The following TGM7 variants were observed in gnomAD, a reference collection of about 807,000 sequenced individuals.
TGM7 encodes the protein protein-glutamine gamma-glutamyltransferase Z.
TGM7 carries 74 observed loss-of-function variants against 79.5 expected under a neutral mutation model. That is an observed-to-expected ratio of 0.93 (90% CI 0.77 to 1.13). The LOEUF (loss-of-function observed/expected upper bound fraction) is 1.13. Among genes scored for constraint, TGM7 ranks in the 50% most tolerant of loss-of-function variants. TGM7 has a pLI of 0.00. For synonymous variants in TGM7, 354 were observed against 362.5 expected (o/e 0.98, Z 0.27); for missense variants, 912 against 905.9 (o/e 1.01, Z -0.09).
chr15:43,292,016 T>A lies in TGM7; in HGVS notation c.521A>T (p.Glu174Val), dbSNP rs776107636. 6.2e-6 allele frequency: 10 copies of A among 1,614,040 alleles called. No homozygotes were observed. The Admixed American group carries it at 8.3e-5, about 13-fold the overall frequency. ...RDYGFVYKGH[E>V]RFITSWPWNY... Reference sequence around the variant, plus strand: ...CCAGGGCCAGGAGGTGATGAATCTTTCATGACCCTTGTAAACAAAGCCATA... The same window carrying A: ...CCAGGGCCAGGAGGTGATGAATCTTACATGACCCTTGTAAACAAAGCCATA... The change falls in exon 4 of 13, where the codon GAA becomes GTA. Residue 174 changes from glutamate to valine, a missense_variant. By Grantham distance (121) the Glu-to-Val change is moderately radical. Coordinates refer to ENST00000452443, the MANE Select transcript of TGM7 (RefSeq NM_052955.3).
chr15:43,295,388 C>T (rs990481405), intron 1 of TGM7, among the ~76,000 whole-genome samples: 3 of 152,094 alleles, frequency 2.0e-5, no homozygotes, highest in South Asian at 2.1e-4. Flanking sequence ...GTCAGGAGTT[C>T]GAGACCAACC....
Position 43,279,565 on chromosome 15 carries a change from G to A in TGM7, c.1678+60C>T, listed in dbSNP as rs563816043. On this transcript the variant is annotated intron_variant, in intron 10 of 12. Transcript: ENST00000452443. ...AATCTGGCTGGGCCCACCCCACTGT[G>A]TTCATGGACCCACAGCTCCCCTCCC... 1,068 of 1,517,528 alleles carry A rather than the reference G, an allele frequency of 7.0e-4. 1 individual carries two copies. Among genetic ancestry groups the A allele is most frequent in the Non-Finnish European group, 8.2e-4 (922 of 1,129,886 alleles). 94.0% of individuals were successfully genotyped at this position (1,517,528 alleles called of 1,614,324 possible). A position where few individuals can be genotyped will look rare whatever the true frequency, so the allele number is the denominator to read the frequency against.
intron 11 of TGM7, among the ~76,000 whole-genome samples, chr15:43,278,695 C>G (rs1317877869): frequency 6.6e-6 from 1 of 152,204 alleles, no homozygotes; most frequent in Non-Finnish European, 1.5e-5. Context: ...TTCAAGTGAT[C>G]CTCCCGCCTT....
At chr15:43,295,008 C>A (rs1372566834) in intron 1 of TGM7, among the ~76,000 whole-genome samples, 1 of 151,956 alleles carries the variant, frequency 6.6e-6, no homozygotes, top group East Asian at 1.9e-4. Context: ...CTCAAGTGAT[C>A]CTCCCATCTC....
Position 43,276,963 on chromosome 15 carries a change from C to G in TGM7, c.1872G>C (p.Leu624=). The change falls in exon 12 of 13, where the codon CTG becomes CTC. Residue 624 remains leucine (L), a synonymous_variant. Coordinates refer to ENST00000452443, the MANE Select transcript of TGM7 (RefSeq NM_052955.3). ...TGTTGGTGAGGGTGACATGGACTCT[C>G]AGCGCCTTGCCCACCTCAGCCCTCT... ...VSERAEVGKA[L]RVHVTLTNTL... 1.2e-6 allele frequency: 2 copies of G among 1,614,140 alleles called. No homozygotes were observed. The highest frequency in any genetic ancestry group is 1.7e-6 in the Non-Finnish European group (2 of 1,180,018).
In TGM7 at chr15:43,283,175, A is replaced by G. The variant is rs181401460; in HGVS notation, c.1005-555T>C. ...ATAGATATCTACACATACACACTTCAGTGTGTATTTCCTGAGAATAGGGAT... is the reference window on the plus strand; with the variant it reads ...ATAGATATCTACACATACACACTTCGGTGTGTATTTCCTGAGAATAGGGAT... On this transcript the variant is annotated intron_variant, in intron 7 of 12. Coordinates refer to ENST00000452443, the MANE Select transcript of TGM7 (RefSeq NM_052955.3). Among the ~76,000 whole-genome samples, 71 of 152,364 alleles carry G rather than the reference A, an allele frequency of 4.7e-4. No homozygotes were observed. In the Middle Eastern group the frequency reaches 0.017, roughly 36 times the overall value.
chr15:43,290,259 G>A (rs1294068836), intron 4 of TGM7, among the ~76,000 whole-genome samples: 2 of 152,088 alleles, frequency 1.3e-5, no homozygotes, highest in Non-Finnish European at 2.9e-5. Context: ...TAAGGAAGGG[G>A]TCCAATTTCA....
chr15:43,291,771 A>G (rs949729384), intron 4 of TGM7, among the ~76,000 whole-genome samples: 16 of 152,186 alleles, frequency 1.1e-4, no homozygotes, highest in Non-Finnish European at 4.4e-5. Context: ...TTTCATAATA[A>G]AATGTTAAAA....
At chr15:43,287,511 C>T (rs2042941794) in intron 5 of TGM7, 30 bp downstream of exon 5, 1 of 1,612,998 alleles carries the variant, frequency 6.2e-7, no homozygotes, top group African/African-American at 1.3e-5. Context: ...CTCAGACTGT[C>T]CTCAGACGGC....
At chr15:43,302,124 C>T in intron 1 of TGM7, 117 bp downstream of exon 1, 1 of 1,216,338 alleles carries the variant, frequency 8.2e-7, no homozygotes. Flanking sequence ...GCACAATGAA[C>T]TACCAATCAT....
chr15:43,291,636 G>A (rs1050756152), intron 4 of TGM7, among the ~76,000 whole-genome samples: 3 of 152,214 alleles, frequency 2.0e-5, no homozygotes, highest in Non-Finnish European at 2.9e-5. Flanking sequence ...TCTGTGGGCT[G>A]TAGTTTGCAA....
At chr15:43,297,692 T>A (rs1329572771) in intron 1 of TGM7, among the ~76,000 whole-genome samples, 1 of 152,182 alleles carries the variant, frequency 6.6e-6, no homozygotes, top group Non-Finnish European at 1.5e-5. Flanking sequence ...AGCTCCGCGA[T>A]GCAAAGCTCC....
intron 9 of TGM7, among the ~76,000 whole-genome samples, chr15:43,281,452 AAAC>A (rs1217509386): frequency 6.6e-6 from 1 of 152,248 alleles, no homozygotes; most frequent in African/African-American, 2.4e-5. Context: ...AATTCCAGAT[AAAC>A]AACAAATTAT....
intron 1 of TGM7, among the ~76,000 whole-genome samples, chr15:43,294,760 A>AT (rs2042984287): frequency 6.6e-6 from 1 of 152,108 alleles, no homozygotes; most frequent in Non-Finnish European, 1.5e-5. Flanking sequence ...GTCTGAAGAC[A>AT]TTTTTTACTG....
intron 6 of TGM7, 115 bp downstream of exon 6, chr15:43,287,165 G>C: frequency 2.4e-6 from 3 of 1,274,970 alleles, no homozygotes; most frequent in Non-Finnish European, 2.2e-6. Context: ...GGGCCTGGGT[G>C]CCCACCACCC....
At chr15:43,298,312 C>T (rs2043010280) in intron 1 of TGM7, among the ~76,000 whole-genome samples, 1 of 152,162 alleles carries the variant, frequency 6.6e-6, no homozygotes, top group African/African-American at 2.4e-5. Context: ...AGGGGCAGAG[C>T]CTGTGAGGGC....
chr15:43,277,146 G>A, intron 11 of TGM7, 151 bp from the exon 12 acceptor site: 1 of 965,280 alleles, frequency 1.0e-6, no homozygotes, highest in East Asian at 2.6e-5. Flanking sequence ...TGTGAGCTGA[G>A]AGTACTTGAG....
intron 4 of TGM7, among the ~76,000 whole-genome samples, chr15:43,289,317 G>GT (rs976240390): frequency 1.3e-4 from 19 of 151,966 alleles, no homozygotes; most frequent in Non-Finnish European, 2.1e-4. Context: ...GTGGTGTTTG[G>GT]TTTTTTTGTC....
chr15:43,276,335 CTTCA>C lies in TGM7; in HGVS notation c.*116_*119del. On this transcript the variant is annotated 3_prime_UTR_variant, in exon 13 of 13. Transcript: ENST00000452443. ...AAAGCACACGGTGTTTCTAACAGAGCTTCATTCATTCCCAGGCAGGCTAGAGAGA... is the reference window on the plus strand; with the variant it reads ...AAAGCACACGGTGTTTCTAACAGAGCTTCATTCCCAGGCAGGCTAGAGAGA... The C allele has an allele frequency of 1.7e-6, 2 of 1,189,908 alleles. No homozygotes were observed. The highest frequency in any genetic ancestry group is 1.5e-5 in the African/African-American group (1 of 65,328). 73.7% of individuals were successfully genotyped at this position (1,189,908 alleles called of 1,614,324 possible). A position where few individuals can be genotyped will look rare whatever the true frequency, so the allele number is the denominator to read the frequency against.
Sources: gnomAD v4.1 joint callset for allele counts (sites outside exome capture counted in the v4.1 genomes callset) on GRCh38, gnomAD v4.1.1 for gene constraint, MANE v1.5 for transcripts, NCBI Gene and HGNC (gene_info 2026-07-23, HGNC 2026-07-21) for gene names.